The following NIPA2 variants were observed in gnomAD, a reference collection of about 807,000 sequenced individuals.
NIPA2 encodes the protein magnesium transporter NIPA2.
A neutral mutation model predicts 29.7 loss-of-function variants in NIPA2; 11 were observed. The ratio of observed to expected loss-of-function variants is 0.37; its 90% CI spans 0.23 to 0.61. The LOEUF (loss-of-function observed/expected upper bound fraction) is 0.61, where lower values mean the gene tolerates loss of function less well. Among genes scored for constraint, NIPA2 ranks in the 20% least tolerant of loss-of-function variants. The pLI is 0.66. For synonymous variants in NIPA2, 183 were observed against 161.9 expected (o/e 1.13, Z -0.99); for missense variants, 426 against 437.9 (o/e 0.97, Z 0.24).
In NIPA2 at chr15:22,853,156, A is replaced by G. The variant is rs1267750258; in HGVS notation, c.140-56A>G. ...AAATCTGTCATTACTAATAGTTATA[A>G]TTTATACAAGAGTCTTACAGTCTTC... On this transcript the variant is annotated intron_variant, in intron 4 of 7. Transcript: ENST00000337451. The G allele has an allele frequency of 7.7e-6, 9 of 1,168,658 alleles. No homozygotes were observed. In the East Asian group the frequency reaches 1.9e-4, roughly 24 times the overall value. 72.4% of individuals were successfully genotyped at this position (1,168,658 alleles called of 1,614,324 possible). A position where few individuals can be genotyped will look rare whatever the true frequency, so the allele number is the denominator to read the frequency against.
intron 7 of NIPA2, among the ~76,000 whole-genome samples, chr15:22,861,160 T>G (rs1224201384): frequency 6.6e-6 from 1 of 152,246 alleles, no homozygotes; most frequent in African/African-American, 2.4e-5. Flanking sequence ...ATAATTTGTT[T>G]TTCCAGAAGT....
rs1896211012 is a variant in NIPA2 at position 22,838,735 on chromosome 15, T to C, written c.-538T>C. 6.6e-6 allele frequency: 1 copy of C among 152,574 alleles called. No individual in the cohort carries two copies. Among genetic ancestry groups the C allele is most frequent in the Non-Finnish European group, 1.5e-5 (1 of 68,086 alleles). 9.5% of individuals were successfully genotyped at this position (152,574 alleles called of 1,614,324 possible). On this transcript the variant is annotated 5_prime_UTR_variant, in exon 1 of 8. Coordinates refer to ENST00000337451, the MANE Select transcript of NIPA2 (RefSeq NM_030922.7). ...GGAGGTTGTCCTTGGCAGGTTTTCC[T>C]CGGCGCTTCTCCATGGAGGAGGCGG...
Position 22,867,577 on chromosome 15 carries a change from T to TAA in NIPA2, c.*731_*732insAA, listed in dbSNP as rs2059196002. 566 of 191,704 alleles carry TAA rather than the reference T, an allele frequency of 3.0e-3. 3 individuals carry two copies. Among genetic ancestry groups the TAA allele is most frequent in the African/African-American group, 0.012 (539 of 43,258 alleles). The allele number at this position is 191,704 out of a possible 1,614,324, so 11.9% of individuals were successfully genotyped here. On this transcript the variant is annotated 3_prime_UTR_variant, in exon 8 of 8. Transcript: ENST00000337451. ...ATCCCATGATGCCTGGAACCTTGAT[T>TAA]ACCGTTTTACATCAGCTCTTGTACT...
intron 4 of NIPA2, among the ~76,000 whole-genome samples, chr15:22,852,809 T>C (rs1488152519): frequency 6.6e-6 from 1 of 152,270 alleles, no homozygotes; most frequent in East Asian, 1.9e-4. Context: ...GATTGGACCT[T>C]ATGAGGAGAG....
intron 2 of NIPA2, among the ~76,000 whole-genome samples, chr15:22,844,708 C>A (rs1051858103): frequency 6.6e-6 from 1 of 151,894 alleles, no homozygotes; most frequent in Non-Finnish European, 1.5e-5. Context: ...GAGCGATGAT[C>A]GCGCCACTGC....
chr15:22,841,485 A>G (rs538169015), intron 2 of NIPA2, among the ~76,000 whole-genome samples: 1 of 152,210 alleles, frequency 6.6e-6, no homozygotes, highest in Admixed American at 6.5e-5. Flanking sequence ...TATGGCCCAT[A>G]GGGCCCCACG....
intron 5 of NIPA2, among the ~76,000 whole-genome samples, chr15:22,854,267 C>T (rs951346034): frequency 2.6e-5 from 4 of 151,896 alleles, no homozygotes; most frequent in African/African-American, 9.7e-5. Flanking sequence ...AGCTGGACTA[C>T]AGGTGTGCGC....
In NIPA2 at chr15:22,867,353, C is replaced by CTAAG; in HGVS notation, c.*508_*511dup. The CTAAG allele has an allele frequency of 2.5e-6, 1 of 394,730 alleles. No individual in the cohort carries two copies. Among genetic ancestry groups the CTAAG allele is most frequent in the Admixed American group, 4.4e-5 (1 of 22,646 alleles). 24.5% of individuals were successfully genotyped at this position (394,730 alleles called of 1,614,324 possible). A position where few individuals can be genotyped will look rare whatever the true frequency, so the allele number is the denominator to read the frequency against. The stretch of plus-strand genomic sequence containing the variant: ...TTTTGAAATATTTATTAAGGGAAAA[C>CTAAG]TAAGTTACTGAATGAAGGAACCTCT... On this transcript the variant is annotated 3_prime_UTR_variant, in exon 8 of 8. Coordinates refer to ENST00000337451, the MANE Select transcript of NIPA2 (RefSeq NM_030922.7).
At chr15:22,840,511 C>T (rs919732104) in intron 2 of NIPA2, among the ~76,000 whole-genome samples, 1 of 151,710 alleles carries the variant, frequency 6.6e-6, no homozygotes, top group African/African-American at 2.4e-5. Context: ...GTTGGCCAGG[C>T]TGGTCTCTTA....
intron 5 of NIPA2, among the ~76,000 whole-genome samples, chr15:22,857,761 C>T (rs1253941915): frequency 4.3e-5 from 6 of 141,134 alleles, no homozygotes; most frequent in South Asian, 4.7e-4. Flanking sequence ...TGCTTGAACC[C>T]GGGAGGTGGA....
chr15:22,857,440 CAAAA>C (rs397693126), intron 5 of NIPA2, among the ~76,000 whole-genome samples: 2 of 131,898 alleles, frequency 1.5e-5, no homozygotes, highest in African/African-American at 5.4e-5. Flanking sequence ...GACTCTGTCT[CAAAA>C]AAAAAAAAAA....
intron 3 of NIPA2, 86 bp from the exon 4 acceptor site, chr15:22,851,550 AGGG>A (rs947931612): frequency 2.6e-6 from 1 of 390,834 alleles, no homozygotes; most frequent in Non-Finnish European, 4.5e-6. Flanking sequence ...TTTTTTCTTT[AGGG>A]GAAGAGAAAT....
At chr15:22,840,675 A>G (rs1595676982) in intron 2 of NIPA2, among the ~76,000 whole-genome samples, 2 of 152,144 alleles carry the variant, frequency 1.3e-5, no homozygotes, top group Admixed American at 1.3e-4. Context: ...GGTCCTCTGC[A>G]TGTGACTCTT....
chr15:22,847,954 C>T (rs943415488), intron 3 of NIPA2, among the ~76,000 whole-genome samples: 15 of 151,944 alleles, frequency 9.9e-5, no homozygotes, highest in Admixed American at 2.6e-4. Flanking sequence ...TGTGCCACCA[C>T]GCCCAGCTAA....
chr15:22,847,488 G>C (rs560802665), intron 3 of NIPA2, among the ~76,000 whole-genome samples: 1 of 150,792 alleles, frequency 6.6e-6, no homozygotes, highest in Admixed American at 6.6e-5. Flanking sequence ...TTTCCGAGAC[G>C]GAGTCTTGCT....
In NIPA2 at chr15:22,867,170, GAA is replaced by G; in HGVS notation, c.*325_*326del. 4 of 443,574 alleles carry G rather than the reference GAA, an allele frequency of 9.0e-6. No individual in the cohort carries two copies. The highest frequency in any genetic ancestry group is 1.6e-5 in the Non-Finnish European group (4 of 253,956). 27.5% of individuals were successfully genotyped at this position (443,574 alleles called of 1,614,324 possible). ...AATGCTTTATTTTTTCATTGGTGAT[GAA>G]AGTCTGAAATGTGCATTTGTCATCC... On this transcript the variant is annotated 3_prime_UTR_variant, in exon 8 of 8. Coordinates refer to ENST00000337451, the MANE Select transcript of NIPA2 (RefSeq NM_030922.7).
At chr15:22,853,531 C>T (rs965394573) in intron 5 of NIPA2, among the ~76,000 whole-genome samples, 10 of 151,716 alleles carry the variant, frequency 6.6e-5, no homozygotes, top group African/African-American at 2.2e-4. Context: ...GCCACCACCA[C>T]GCCCAGCTAA....
rs1355889298 is a variant in NIPA2 at position 22,840,214 on chromosome 15, C to T, written c.-216+424C>T. 5.3e-5 allele frequency among the ~76,000 whole-genome samples: 8 copies of T among 151,960 alleles called. No homozygotes were observed. In the East Asian group the frequency reaches 1.5e-3, roughly 29 times the overall value. On this transcript the variant is annotated intron_variant, in intron 2 of 7. Transcript: ENST00000337451. ...GGATTACAGGTGTGAGCCACCGAGC[C>T]GGGCCTAAGCTAACTTAGATAGCAG...
At chr15:22,839,358 C>T (rs893250803) in intron 1 of NIPA2, among the ~76,000 whole-genome samples, 1 of 152,116 alleles carries the variant, frequency 6.6e-6, no homozygotes, top group Non-Finnish European at 1.5e-5. Context: ...GTTTGTGCCT[C>T]CTTAATTTCT....
Sources: allele counts gnomAD v4.1 joint callset (sites outside exome capture counted in the v4.1 genomes callset), GRCh38; gene constraint gnomAD v4.1.1; transcripts MANE v1.5; gene names NCBI Gene and HGNC (gene_info 2026-07-23, HGNC 2026-07-21).